The following RAB27A variants were observed in gnomAD, a reference collection of about 807,000 sequenced individuals.
The protein encoded by RAB27A is RAB27A, member RAS oncogene family.
In RAB27A, 17 loss-of-function variants were observed where a neutral mutation model predicts 20.8. The ratio of observed to expected loss-of-function variants is 0.82; its 90% CI spans 0.56 to 1.23. The LOEUF (loss-of-function observed/expected upper bound fraction) is 1.23. RAB27A is among the 50% of genes most tolerant of loss of function. The pLI is 0.00. For missense variants in RAB27A, 277 were observed against 266.7 expected, an observed-to-expected ratio of 1.04 and a Z score of -0.27; for synonymous variants, 85 against 92.8, an observed-to-expected ratio of 0.92 and a Z score of 0.48.
chr15:55,291,493 C>T (rs1050742196), upstream of RAB27A, among the ~76,000 whole-genome samples: 64 of 118,142 alleles, frequency 5.4e-4, no homozygotes, highest in Middle Eastern at 0.012. Context: ...CCTGGGCGAC[C>T]GAGCGAGACT....
chr15:55,209,385 A>G (rs1022219157), intron 6 of RAB27A, among the ~76,000 whole-genome samples: 1 of 152,162 alleles, frequency 6.6e-6, no homozygotes, highest in African/African-American at 2.4e-5. Flanking sequence ...GAGTAAGAAC[A>G]TGCAACATTT....
chr15:55,282,338 C>T (rs1898038417), intron 1 of RAB27A, among the ~76,000 whole-genome samples: 2 of 152,212 alleles, frequency 1.3e-5, no homozygotes, highest in African/African-American at 2.4e-5. Flanking sequence ...ACCTGAGGCA[C>T]AGCTCTGGAT....
At chr15:55,210,425 TG>T (rs1894967623) in intron 6 of RAB27A, among the ~76,000 whole-genome samples, 3 of 144,756 alleles carry the variant, frequency 2.1e-5, no homozygotes, top group African/African-American at 8.2e-5. Flanking sequence ...TTTTTTTTTT[TG>T]AGGGGGGGGG....
At chr15:55,218,563 ATAT>A (rs1391811038) in intron 6 of RAB27A, among the ~76,000 whole-genome samples, 2 of 152,290 alleles carry the variant, frequency 1.3e-5, no homozygotes, top group South Asian at 4.1e-4. Context: ...ATCCATACTG[ATAT>A]TATTAATGTT....
intron 2 of RAB27A, among the ~76,000 whole-genome samples, chr15:55,302,190 A>G (rs2054975015): frequency 6.6e-6 from 1 of 151,298 alleles, no homozygotes; most frequent in South Asian, 2.1e-4. Context: ...AAAAAAAAAA[A>G]AAGTCAGAGT....
intron 1 of RAB27A, among the ~76,000 whole-genome samples, chr15:55,287,654 G>T (rs1043118188): frequency 6.6e-6 from 1 of 152,106 alleles, no homozygotes; most frequent in Non-Finnish European, 1.5e-5. Context: ...GGATGAGGCA[G>T]GAGAATCACT....
chr15:55,310,677 T>C (rs2055016426), intron 2 of RAB27A, among the ~76,000 whole-genome samples: 1 of 152,120 alleles, frequency 6.6e-6, no homozygotes, highest in South Asian at 2.1e-4. Context: ...TTTGTCCCAT[T>C]CCACCTGCTC....
intron 2 of RAB27A, among the ~76,000 whole-genome samples, chr15:55,239,517 T>C (rs1307316772): frequency 6.6e-6 from 1 of 152,060 alleles, no homozygotes; most frequent in Non-Finnish European, 1.5e-5. Context: ...TGTGTTCGAG[T>C]ACAGTAAAGG....
chr15:55,241,236 C>T (rs1169909639), intron 2 of RAB27A, among the ~76,000 whole-genome samples: 6 of 152,056 alleles, frequency 3.9e-5, no homozygotes, highest in Non-Finnish European at 8.8e-5. Context: ...TCTGTACTGC[C>T]TTGAGAAAAG....
rs192498989 is a variant in RAB27A at position 55,254,267 on chromosome 15, T to C, written c.-23+15898A>G. On this transcript the variant is annotated intron_variant, in intron 2 of 6. Transcript: ENST00000336787. ...AATGACATTCCTTTTAAGTTATTAC[T>C]TTCCTATACATACTTGCTTATCACA... Among the ~76,000 whole-genome samples the C allele has an allele frequency of 2.3e-3, 350 of 152,276 alleles. 4 individuals are homozygous for C. Among genetic ancestry groups the C allele is most frequent in the African/African-American group, 8.1e-3 (335 of 41,558 alleles).
At position 55,284,330 on chromosome 15, in the gene RAB27A, G is replaced by T. The variant is rs200063531; in HGVS notation, c.-143+5386C>A. On this transcript the variant is annotated intron_variant, in intron 1 of 6. Coordinates refer to ENST00000336787, the MANE Select transcript of RAB27A (RefSeq NM_183235.3). Reference sequence around the variant, plus strand: ...AAAATAAAAAGGGGTGAGGAATTTTGTGGGAATAGGCCACTCAAAGCAAGC... The same window carrying T: ...AAAATAAAAAGGGGTGAGGAATTTTTTGGGAATAGGCCACTCAAAGCAAGC... 5.3e-5 allele frequency among the ~76,000 whole-genome samples: 8 copies of T among 152,268 alleles called. No homozygotes were observed. The East Asian group carries it at 1.5e-3, about 29-fold the overall frequency.
chr15:55,317,820 AG>A (rs1192229994), intron 1 of RAB27A: 1 of 397,378 alleles, frequency 2.5e-6, no homozygotes, highest in African/African-American at 2.1e-5. Flanking sequence ...CTCAAGGAAA[AG>A]CTGGTTTTGG....
At chr15:55,238,982 A>T (rs896696990) in intron 2 of RAB27A, among the ~76,000 whole-genome samples, 2 of 152,184 alleles carry the variant, frequency 1.3e-5, no homozygotes, top group Non-Finnish European at 1.5e-5. Flanking sequence ...CTTTGGCTAA[A>T]ACCTGATATA....
intron 6 of RAB27A, among the ~76,000 whole-genome samples, chr15:55,207,640 T>C (rs1894715475): frequency 6.6e-6 from 1 of 152,212 alleles, no homozygotes. Flanking sequence ...ACTTAAAATG[T>C]GGCTAATGCA....
At chr15:55,239,085 A>T (rs1896379478) in intron 2 of RAB27A, among the ~76,000 whole-genome samples, 1 of 152,178 alleles carries the variant, frequency 6.6e-6, no homozygotes, top group African/African-American at 2.4e-5. Context: ...TTGGACATGC[A>T]GGTTCTGACA....
chr15:55,310,700 A>T (rs1165791893), intron 2 of RAB27A, among the ~76,000 whole-genome samples: 1 of 152,006 alleles, frequency 6.6e-6, no homozygotes, highest in Admixed American at 6.6e-5. Context: ...CCTGATCTCT[A>T]TTATAAAAAA....
intron 2 of RAB27A, among the ~76,000 whole-genome samples, chr15:55,268,522 T>C (rs916006494): frequency 1.3e-5 from 2 of 152,286 alleles, no homozygotes; most frequent in Admixed American, 1.3e-4. Flanking sequence ...GGTTAGGCTG[T>C]CCATGTGTCA....
chr15:55,223,830 C>T (rs1268601271), intron 6 of RAB27A, 59 bp downstream of exon 6: 22 of 1,588,590 alleles, frequency 1.4e-5, no homozygotes, highest in Non-Finnish European at 1.8e-5. Flanking sequence ...CATTACCATT[C>T]ACCTGCTAAT....
At chr15:55,210,075 T>TATAC in intron 6 of RAB27A, among the ~76,000 whole-genome samples, 1 of 114,322 alleles carries the variant, frequency 8.7e-6, no homozygotes, top group South Asian at 3.0e-4. Context: ...TGTGTACATA[T>TATAC]ACATATATAC....
Sources: gnomAD v4.1 joint callset for allele counts (sites outside exome capture counted in the v4.1 genomes callset) on GRCh38, gnomAD v4.1.1 for gene constraint, MANE v1.5 for transcripts, NCBI Gene and HGNC (gene_info 2026-07-23, HGNC 2026-07-21) for gene names.